Variants in ZDHHC21 observed in about 807,000 individuals in gnomAD.
ZDHHC21 encodes zDHHC palmitoyltransferase 21, also known as palmitoyltransferase ZDHHC21.
In ZDHHC21, 15 loss-of-function variants were observed where a neutral mutation model predicts 34.6. The observed-to-expected ratio is 0.43, with a 90% confidence interval of 0.29 to 0.67. ZDHHC21 has a LOEUF of 0.67. Ranked by LOEUF, ZDHHC21 falls within the 30% of genes least tolerant of loss-of-function variation. ZDHHC21 has a pLI of 0.14. For synonymous variants in ZDHHC21, 142 were observed against 101.8 expected, an observed-to-expected ratio of 1.40 and a Z score of -2.38; for missense variants, 344 against 327.7, an observed-to-expected ratio of 1.05 and a Z score of -0.38.
At chr9:14,590,870 T>G in the ZDHHC21 span, among the ~76,000 whole-genome samples, 1 of 152,270 alleles carries the variant, frequency 6.6e-6, no homozygotes, top group Non-Finnish European at 1.5e-5. Context: ...TACTTTTAAA[T>G]TTTTTAAAAA....
intron 2 of ZDHHC21, among the ~76,000 whole-genome samples, chr9:14,684,641 A>G (rs939747321): frequency 6.6e-6 from 1 of 152,062 alleles, no homozygotes; most frequent in Non-Finnish European, 1.5e-5. Flanking sequence ...GGTAATTTAC[A>G]GATTCAATGC....
At chr9:14,636,735 A>T (rs1828378995) in intron 8 of ZDHHC21, among the ~76,000 whole-genome samples, 1 of 152,162 alleles carries the variant, frequency 6.6e-6, no homozygotes, top group Non-Finnish European at 1.5e-5. Flanking sequence ...AATAAATCTA[A>T]AAATCAATAA....
At chr9:14,659,786 T>C (rs1833011196) in intron 6 of ZDHHC21, among the ~76,000 whole-genome samples, 1 of 152,226 alleles carries the variant, frequency 6.6e-6, no homozygotes, top group Non-Finnish European at 1.5e-5. Flanking sequence ...GAGGCATTTC[T>C]TAAGATTTAA....
intron 7 of ZDHHC21, among the ~76,000 whole-genome samples, chr9:14,657,867 T>C (rs756926677): frequency 1.3e-5 from 2 of 152,202 alleles, no homozygotes; most frequent in Non-Finnish European, 2.9e-5. Context: ...GGCTCAATTA[T>C]TTGAAACAGA....
chr9:14,603,256 T>C, the ZDHHC21 span, among the ~76,000 whole-genome samples: 1 of 152,144 alleles, frequency 6.6e-6, no homozygotes, highest in East Asian at 1.9e-4. Context: ...AAACTCCAAA[T>C]TATATTTTTA....
chr9:14,624,283 G>A lies in ZDHHC21; in HGVS notation c.622-4601C>T, dbSNP rs147733104. On this transcript the variant is annotated intron_variant, in intron 8 of 9. Coordinates refer to ENST00000380916, the MANE Select transcript of ZDHHC21 (RefSeq NM_178566.6). ...AGGAACAGGAGCCTCAATGGATTCC[G>A]ATATCCCTGTGGGGTCCAGAAATCA... Among the ~76,000 whole-genome samples, 427 of 152,112 alleles carry A rather than the reference G, an allele frequency of 2.8e-3. 2 individuals carry two copies. The highest frequency in any genetic ancestry group is 9.5e-3 in the African/African-American group (394 of 41,514).
chr9:14,591,645 C>T, the ZDHHC21 span, among the ~76,000 whole-genome samples: 50 of 152,090 alleles, frequency 3.3e-4, no homozygotes, highest in Admixed American at 2.2e-3. Context: ...TCCATGATCC[C>T]TTCATACAAA....
At chr9:14,654,543 G>A (rs921811807) in intron 7 of ZDHHC21, among the ~76,000 whole-genome samples, 47 of 151,956 alleles carry the variant, frequency 3.1e-4, no homozygotes, top group African/African-American at 1.1e-3. Flanking sequence ...AGAGTCAACA[G>A]AAACGGACCC....
Position 14,674,386 on chromosome 9 carries a change from C to G in ZDHHC21, c.-45-1G>C. 6.5e-7 allele frequency: 1 copy of G among 1,530,608 alleles called. No individual in the cohort carries two copies. The highest frequency in any genetic ancestry group is 8.7e-7 in the Non-Finnish European group (1 of 1,144,686). The allele number at this position is 1,530,608 out of a possible 1,614,324, so 94.8% of individuals were successfully genotyped here. ...TGCTAACCCACAAGGAAGGATGATC[C>G]TAAGGAGAAGGAACAAAGAAAATAA... On this transcript the variant is annotated splice_acceptor_variant, in intron 3 of 9. Coordinates refer to ENST00000380916, the MANE Select transcript of ZDHHC21 (RefSeq NM_178566.6). LOFTEE classifies it low-confidence loss of function (5UTR_SPLICE).
chr9:14,685,619 G>C (rs1405189857), intron 2 of ZDHHC21, among the ~76,000 whole-genome samples: 1 of 152,206 alleles, frequency 6.6e-6, no homozygotes, highest in Non-Finnish European at 1.5e-5. Context: ...CTGTAAACTA[G>C]TTCAACCATT....
chr9:14,652,181 C>T (rs1019931966), intron 7 of ZDHHC21, among the ~76,000 whole-genome samples: 2 of 151,838 alleles, frequency 1.3e-5, no homozygotes, highest in Non-Finnish European at 2.9e-5. Flanking sequence ...ACTCAAGTTT[C>T]TGCAATTTTT....
At position 14,614,963 on chromosome 9, in the gene ZDHHC21, T is replaced by C. The variant is rs1823921164; in HGVS notation, c.*4003A>G. 1.3e-5 allele frequency: 2 copies of C among 151,672 alleles called. No homozygotes were observed. Among genetic ancestry groups the C allele is most frequent in the Admixed American group, 1.3e-4 (2 of 15,158 alleles). The allele number at this position is 151,672 out of a possible 1,614,324, so 9.4% of individuals were successfully genotyped here. A position where few individuals can be genotyped will look rare whatever the true frequency, so the allele number is the denominator to read the frequency against. ...AACTTGGTAAACTTGAGCTAAGTAA[T>C]CTATTGATACAGGAAGCGCAAGAGA... On this transcript the variant is annotated 3_prime_UTR_variant, in exon 10 of 10. Transcript: ENST00000380916.
At chr9:14,625,136 C>T (rs1370184565) in intron 8 of ZDHHC21, among the ~76,000 whole-genome samples, 2 of 151,980 alleles carry the variant, frequency 1.3e-5, no homozygotes, top group Non-Finnish European at 2.9e-5. Context: ...ACATACTGTA[C>T]AAAATGGTCA....
At chr9:14,624,178 T>C (rs1825814763) in intron 8 of ZDHHC21, among the ~76,000 whole-genome samples, 2 of 152,154 alleles carry the variant, frequency 1.3e-5, no homozygotes, top group South Asian at 2.1e-4. Context: ...TATCGGGTAT[T>C]ATAAATAATC....
the ZDHHC21 span, among the ~76,000 whole-genome samples, chr9:14,598,044 TCAAA>T: frequency 6.6e-6 from 1 of 152,056 alleles, no homozygotes; most frequent in Non-Finnish European, 1.5e-5. Flanking sequence ...ACTGGCATTA[TCAAA>T]GCCATGCATA....
the ZDHHC21 span, among the ~76,000 whole-genome samples, chr9:14,603,013 A>G: frequency 6.6e-6 from 1 of 151,860 alleles, no homozygotes. Context: ...ACAGTCACAG[A>G]AAACAGGTCC....
chr9:14,676,588 A>T (rs1457361406), intron 3 of ZDHHC21, among the ~76,000 whole-genome samples: 1 of 151,984 alleles, frequency 6.6e-6, no homozygotes, highest in Non-Finnish European at 1.5e-5. Flanking sequence ...CTTGTGTATG[A>T]ATTCTAAAAC....
At chr9:14,664,907 A>G (rs375928197) in intron 5 of ZDHHC21, among the ~76,000 whole-genome samples, 1 of 151,782 alleles carries the variant, frequency 6.6e-6, no homozygotes, top group Non-Finnish European at 1.5e-5. Flanking sequence ...AAAAAACAGA[A>G]CAGAAAAACT....
intron 2 of ZDHHC21, among the ~76,000 whole-genome samples, chr9:14,689,861 G>A (rs1434677959): frequency 6.6e-6 from 1 of 152,090 alleles, no homozygotes; most frequent in Non-Finnish European, 1.5e-5. Context: ...CATTCTCCCT[G>A]GCTCAAGCTC....
Sources: allele counts gnomAD v4.1 joint callset (sites outside exome capture counted in the v4.1 genomes callset), GRCh38; gene constraint gnomAD v4.1.1; transcripts MANE v1.5; gene names NCBI Gene and HGNC (gene_info 2026-07-23, HGNC 2026-07-21).